ABCA12: variants seen among roughly 807,000 people sequenced by gnomAD.
ABCA12 encodes the protein ATP binding cassette subfamily A member 12, also known as glucosylceramide transporter ABCA12.
In ABCA12, 156 loss-of-function variants were observed where a neutral mutation model predicts 293.5. The ratio of observed to expected loss-of-function variants is 0.53; its 90% CI spans 0.47 to 0.61. The LOEUF (loss-of-function observed/expected upper bound fraction) is 0.61, where lower values mean the gene tolerates loss of function less well. Among genes scored for constraint, ABCA12 ranks in the 20% least tolerant of loss-of-function variants. The pLI is 0.00. For missense variants in ABCA12, 2,797 were observed against 3,090.2 expected, an observed-to-expected ratio of 0.91 and a Z score of 2.25; for synonymous variants, 1,063 against 1,108.0, an observed-to-expected ratio of 0.96 and a Z score of 0.81.
At chr2:215,122,745 T>C (rs567232716) in intron 1 of ABCA12, among the ~76,000 whole-genome samples, 1 of 152,332 alleles carries the variant, frequency 6.6e-6, no homozygotes, top group South Asian at 2.1e-4. Context: ...CCCACCTCTG[T>C]TGAAATTTGA....
In ABCA12 at chr2:215,068,106, T is replaced by C. The variant is rs7588829; in HGVS notation, c.164-3887A>G. On this transcript the variant is annotated intron_variant, in intron 2 of 52. Transcript: ENST00000272895. ...TGACAGAATGTAAAGATTAGAGTGA[T>C]GGTTCTCCAAGTTTGATCCTTGGAC... 8.1e-3 allele frequency among the ~76,000 whole-genome samples: 1,228 copies of C among 152,296 alleles called. 18 individuals are homozygous for C. Among genetic ancestry groups the C allele is most frequent in the African/African-American group, 0.028 (1,168 of 41,566 alleles).
intron 3 of ABCA12, among the ~76,000 whole-genome samples, chr2:215,058,949 C>T (rs959658074): frequency 5.9e-5 from 9 of 151,950 alleles, no homozygotes; most frequent in African/African-American, 2.2e-4. Context: ...TGGTAAAATG[C>T]ATGTACTTCC....
At chr2:214,992,477 A>AAAAC (rs1699935745) in intron 23 of ABCA12, among the ~76,000 whole-genome samples, 1 of 144,540 alleles carries the variant, frequency 6.9e-6, no homozygotes. Flanking sequence ...AAAAAAAAAA[A>AAAAC]CAATTCATGA....
At chr2:215,074,835 G>A (rs1402734247) in intron 2 of ABCA12, among the ~76,000 whole-genome samples, 6 of 151,906 alleles carry the variant, frequency 3.9e-5, no homozygotes, top group Admixed American at 2.6e-4. Context: ...CCAGCTACTT[G>A]GGAGGCTGAG....
At chr2:215,077,919 A>C (rs554348091) in intron 2 of ABCA12, among the ~76,000 whole-genome samples, 26 of 152,312 alleles carry the variant, frequency 1.7e-4, no homozygotes, top group Non-Finnish European at 3.4e-4. Flanking sequence ...AAGATCACAC[A>C]CAAAAAACGT....
intron 51 of ABCA12, among the ~76,000 whole-genome samples, chr2:214,936,576 G>A (rs963276688): frequency 1.3e-5 from 2 of 152,156 alleles, no homozygotes; most frequent in Admixed American, 6.5e-5. Context: ...TTCCTGTCAA[G>A]TACATTTATT....
At position 214,938,162 on chromosome 2, in the gene ABCA12, A is replaced by T. The variant is rs1010084394; in HGVS notation, c.7437-547T>A. On this transcript the variant is annotated intron_variant, in intron 50 of 52. Coordinates refer to ENST00000272895, the MANE Select transcript of ABCA12 (RefSeq NM_173076.3). ...GATGTTTCCCTCCCTGTGTCCATGT[A>T]TTCTCATTGTTCAACTCCCACTTAT... Among the ~76,000 whole-genome samples, 16 of 143,718 alleles carry T rather than the reference A, an allele frequency of 1.1e-4. No homozygotes were observed. The Admixed American group carries it at 1.2e-3, about 10-fold the overall frequency. The allele number at this position is 143,718 out of a possible 152,430, so 94.3% of individuals were successfully genotyped here.
At chr2:215,011,227 G>A (rs553278718) in intron 17 of ABCA12, among the ~76,000 whole-genome samples, 5 of 152,246 alleles carry the variant, frequency 3.3e-5, no homozygotes, top group African/African-American at 9.6e-5. Context: ...CACTGGCCAG[G>A]TTACTTACCC....
At chr2:214,936,373 C>G (rs1193413196) in intron 51 of ABCA12, among the ~76,000 whole-genome samples, 5 of 152,144 alleles carry the variant, frequency 3.3e-5, no homozygotes, top group Non-Finnish European at 7.3e-5. Context: ...CTCCTGTATT[C>G]CTATTTACAA....
At chr2:215,034,229 C>T (rs867106318) in intron 8 of ABCA12, among the ~76,000 whole-genome samples, 7 of 152,070 alleles carry the variant, frequency 4.6e-5, no homozygotes, top group Non-Finnish European at 1.0e-4. Context: ...TAGCTGGAGC[C>T]GAGCTGAGAA....
chr2:215,001,602 T>A lies in ABCA12; in HGVS notation c.2819A>T (p.Glu940Val), dbSNP rs149643123. ...TTTGTAGAGCCTTTTAGCCTCTCTC[T>A]CCATTTCATCTATGGTTTTTGCTGC... ...IQAAKTIDEM[E>V]REAKRLYKSN... is the part of the protein sequence containing the mutation. The change falls in exon 21 of 53, where the codon GAG (glutamate) becomes GTG (valine). Residue 940 changes from glutamate (E) to valine (V), a missense_variant. Physicochemically the swap from Glu to Val is moderately radical, Grantham distance 121. Transcript: ENST00000272895. 1.7e-5 allele frequency: 27 copies of A among 1,613,694 alleles called. No homozygotes were observed. In the African/African-American group the frequency reaches 3.2e-4, roughly 19 times the overall value.
chr2:215,034,014 G>T (rs956212699), intron 8 of ABCA12, among the ~76,000 whole-genome samples: 2 of 152,126 alleles, frequency 1.3e-5, no homozygotes, highest in African/African-American at 4.8e-5. Context: ...TGTATTCACA[G>T]ACACAGAAAT....
At chr2:215,098,245 C>T (rs1240186023) in intron 2 of ABCA12, among the ~76,000 whole-genome samples, 2 of 152,162 alleles carry the variant, frequency 1.3e-5, no homozygotes, top group Non-Finnish European at 2.9e-5. Context: ...TCCCAGCCCC[C>T]ACACCCCCTG....
At position 214,978,312 on chromosome 2, in the gene ABCA12, A is replaced by G. The variant is rs1699567088; in HGVS notation, c.5128+4T>C. 1.2e-6 allele frequency: 2 copies of G among 1,613,994 alleles called. No individual in the cohort carries two copies. Among genetic ancestry groups the G allele is most frequent in the East Asian group, 4.5e-5 (2 of 44,846 alleles). ...TAAACAAAATATCCACATTAGATTC[A>G]TACCATCTCTGTCTGTGAAATTGCT... On this transcript the variant is annotated splice_donor_region_variant and intron_variant, in intron 33 of 52. Coordinates refer to ENST00000272895, the MANE Select transcript of ABCA12 (RefSeq NM_173076.3).
intron 2 of ABCA12, among the ~76,000 whole-genome samples, chr2:215,076,703 T>C (rs114735817): frequency 6.6e-6 from 1 of 152,170 alleles, no homozygotes; most frequent in Non-Finnish European, 1.5e-5. Flanking sequence ...TCCATTATGG[T>C]AATAAATTGA....
At chr2:214,969,511 C>T (rs533430085) in intron 37 of ABCA12, among the ~76,000 whole-genome samples, 3 of 152,074 alleles carry the variant, frequency 2.0e-5, no homozygotes, top group African/African-American at 7.2e-5. Context: ...ATGCAAATAA[C>T]ATCATAGTAT....
At chr2:215,069,980 TG>T (rs1158841876) in intron 2 of ABCA12, among the ~76,000 whole-genome samples, 3 of 152,228 alleles carry the variant, frequency 2.0e-5, no homozygotes, top group Non-Finnish European at 2.9e-5. Flanking sequence ...TAGGAACCCC[TG>T]GGGGAGTCCG....
At chr2:215,063,876 T>C (rs1378167518) in intron 3 of ABCA12, among the ~76,000 whole-genome samples, 190 bp downstream of exon 3, 1 of 152,000 alleles carries the variant, frequency 6.6e-6, no homozygotes, top group Non-Finnish European at 1.5e-5. Context: ...CCAAAGTAGA[T>C]TGTACTCAAT....
intron 2 of ABCA12, among the ~76,000 whole-genome samples, chr2:215,108,880 A>G (rs1702513979): frequency 6.6e-6 from 1 of 152,128 alleles, no homozygotes; most frequent in Non-Finnish European, 1.5e-5. Context: ...CAGCCTGGCC[A>G]AGATGGTGAA....
Sources: allele counts gnomAD v4.1 joint callset (sites outside exome capture counted in the v4.1 genomes callset), GRCh38; gene constraint gnomAD v4.1.1; transcripts MANE v1.5; gene names NCBI Gene and HGNC (gene_info 2026-07-23, HGNC 2026-07-21).